The following AFF2 variants were observed in gnomAD, a reference collection of about 807,000 sequenced individuals.
AFF2 encodes the protein ALF transcription elongation factor 2.
In AFF2, 14 loss-of-function variants were observed where a neutral mutation model predicts 76.9. The ratio of observed to expected loss-of-function variants is 0.18; its 90% confidence interval spans 0.12 to 0.28. The LOEUF is 0.28. Ranked by LOEUF, AFF2 falls within the 10% of genes least tolerant of loss-of-function variation. The pLI is 1.00. For synonymous variants in AFF2, 398 were observed against 366.7 expected (o/e 1.09, Z -0.98); for missense variants, 868 against 1,001.1 (o/e 0.87, Z 1.79).
intron 1 of AFF2, among the ~76,000 whole-genome samples, chrX:148,565,309 TA>T (rs1162704954): frequency 1.9e-4 from 21 of 111,136 alleles, no homozygotes; most frequent in Admixed American, 8.6e-4. Context: ...CTTAGGTTGT[TA>T]AAAAAAACTA....
intron 1 of AFF2, among the ~76,000 whole-genome samples, chrX:148,561,044 A>G (rs1486053693): frequency 8.9e-6 from 1 of 112,034 alleles, no homozygotes; most frequent in African/African-American, 3.2e-5. Context: ...GTTTTTTGTA[A>G]GACAATGGCT....
chrX:148,676,298 G>A (rs1304582068), intron 3 of AFF2, among the ~76,000 whole-genome samples: 4 of 109,727 alleles, frequency 3.6e-5, no homozygotes, highest in South Asian at 3.9e-4. Flanking sequence ...CACCCGCCTC[G>A]GCCTCCCAAA....
At chrX:148,737,102 C>G (rs2055293840) in intron 3 of AFF2, among the ~76,000 whole-genome samples, 1 of 111,070 alleles carries the variant, frequency 9.0e-6, no homozygotes, top group Non-Finnish European at 1.9e-5. Flanking sequence ...GTGCAGGCTC[C>G]TTTTTGGTTC....
At chrX:148,827,108 G>T (rs1424429384) in intron 4 of AFF2, among the ~76,000 whole-genome samples, 1 of 111,168 alleles carries the variant, frequency 9.0e-6, no homozygotes, top group Admixed American at 9.6e-5. Context: ...AGCTGTTTCA[G>T]AGGAAAGACA....
At chrX:148,838,934 T>G (rs1204197366) in intron 5 of AFF2, among the ~76,000 whole-genome samples, 1 of 112,067 alleles carries the variant, frequency 8.9e-6, no homozygotes, top group Non-Finnish European at 1.9e-5. Context: ...ACTGTCCCAG[T>G]ATGGGTGTGT....
intron 1 of AFF2, among the ~76,000 whole-genome samples, chrX:148,544,600 T>A (rs2124273486): frequency 8.9e-6 from 1 of 112,540 alleles, no homozygotes; most frequent in Non-Finnish European, 1.9e-5. Flanking sequence ...ATGAGATTAA[T>A]ATTTTCTCCC....
intron 3 of AFF2, among the ~76,000 whole-genome samples, chrX:148,722,011 C>T (rs1375140577): frequency 1.8e-5 from 2 of 111,295 alleles, no homozygotes; most frequent in Admixed American, 1.9e-4. Context: ...CTGCAGTGGC[C>T]CTGTTCAAAA....
intron 3 of AFF2, among the ~76,000 whole-genome samples, chrX:148,727,631 T>C (rs370932082): frequency 1.9e-3 from 218 of 111,813 alleles, no homozygotes; most frequent in African/African-American, 6.9e-3. Flanking sequence ...AAAATGAGTT[T>C]GGAACACGTT....
rs1441664232 is a variant in AFF2, at chrX:148,895,424, A to G, written c.1360-8797A>G. 4.5e-4 allele frequency among the ~76,000 whole-genome samples: 50 copies of G among 111,612 alleles called. No homozygotes were observed. The Admixed American group carries it at 4.8e-3, about 11-fold the overall frequency. ...TTTTATTTGAATATTGACATAAGTG[A>G]CACCCACCCACCACCTTAAACACAC... On this transcript the variant is annotated intron_variant, in intron 8 of 20. Transcript: ENST00000370460.
intron 3 of AFF2, among the ~76,000 whole-genome samples, chrX:148,693,961 C>T (rs1258296767): frequency 9.0e-6 from 1 of 111,390 alleles, no homozygotes. Context: ...AAATGTGGCA[C>T]ATATACACCA....
intron 1 of AFF2, among the ~76,000 whole-genome samples, chrX:148,622,537 A>G (rs751377): frequency 0.49 from 53,473 of 110,212 alleles, 9,717 homozygotes; most frequent in African/African-American, 0.52. Context: ...CCTTCCCAGC[A>G]ACACCTAAAC....
chrX:148,538,597 T>C (rs1446309699), intron 1 of AFF2, among the ~76,000 whole-genome samples: 2 of 112,861 alleles, frequency 1.8e-5, no homozygotes, highest in Non-Finnish European at 3.7e-5. Flanking sequence ...CCTGAAAATT[T>C]TGATTTATCA....
At chrX:148,938,206 G>T (rs1279593672) in intron 9 of AFF2, among the ~76,000 whole-genome samples, 3 of 112,098 alleles carry the variant, frequency 2.7e-5, no homozygotes, top group Admixed American at 9.5e-5. Flanking sequence ...ATTAATTGGA[G>T]ACATGGTCAT....
intron 20 of AFF2, among the ~76,000 whole-genome samples, chrX:148,989,415 G>A (rs1289216405): frequency 8.9e-6 from 1 of 112,353 alleles, no homozygotes; most frequent in Non-Finnish European, 1.9e-5. Context: ...AGCACAGTGT[G>A]TCAAAGAGTT....
chrX:148,577,623 A>C (rs2053305253), intron 1 of AFF2, among the ~76,000 whole-genome samples: 1 of 111,924 alleles, frequency 8.9e-6, no homozygotes, highest in African/African-American at 3.2e-5. Context: ...GCCTATTTAA[A>C]ATTGTCTTTC....
At chrX:148,932,703 A>G (rs59284439) in intron 9 of AFF2, among the ~76,000 whole-genome samples, 3,102 of 112,462 alleles carry the variant, frequency 0.028, 91 homozygotes, top group African/African-American at 0.095. Context: ...TAGTTGCTCA[A>G]TAAATAGGTT....
chrX:148,748,928 A>G (rs2055460465), intron 3 of AFF2, among the ~76,000 whole-genome samples: 2 of 111,817 alleles, frequency 1.8e-5, no homozygotes, highest in South Asian at 7.5e-4. Context: ...TTTGCATAGA[A>G]TGGTTTTCTC....
chrX:148,738,562 A>G (rs184229220), intron 3 of AFF2, among the ~76,000 whole-genome samples: 2 of 111,813 alleles, frequency 1.8e-5, no homozygotes, highest in African/African-American at 6.5e-5. Context: ...ATCTTTTCAA[A>G]GAACCAACTC....
intron 3 of AFF2, among the ~76,000 whole-genome samples, chrX:148,792,614 G>T (rs1252705597): frequency 8.9e-6 from 1 of 112,355 alleles, no homozygotes; most frequent in African/African-American, 3.2e-5. Context: ...TAAAATGGCA[G>T]TGCTAAGAGG....
Sources: gnomAD v4.1 joint callset for allele counts (sites outside exome capture counted in the v4.1 genomes callset) on GRCh38, gnomAD v4.1.1 for gene constraint, MANE v1.5 for transcripts, NCBI Gene and HGNC (gene_info 2026-07-23, HGNC 2026-07-21) for gene names.